Variants in RIC1 observed in about 807,000 individuals in gnomAD.
RIC1 encodes guanine nucleotide exchange factor subunit RIC1.
In RIC1, 88 loss-of-function variants were observed where a neutral mutation model predicts 169.0. The ratio of observed to expected loss-of-function variants is 0.52; its 90% confidence interval spans 0.44 to 0.62. RIC1 has a LOEUF of 0.62. Ranked by LOEUF, RIC1 falls within the 20% of genes least tolerant of loss-of-function variation. The pLI is 0.00. For missense variants in RIC1, 1,877 were observed against 1,725.5 expected, an observed-to-expected ratio of 1.09 and a Z score of -1.56; for synonymous variants, 790 against 601.5, an observed-to-expected ratio of 1.31 and a Z score of -4.59.
rs10975210 is a variant in RIC1 at position 5,652,277 on chromosome 9, T to G, written c.145-4306T>G. Reference sequence around the variant, plus strand: ...CATTGGTATTTTGGTAGGGATTACATTGGATCTGTAGATCACTTTGGGTCA... The same window carrying G: ...CATTGGTATTTTGGTAGGGATTACAGTGGATCTGTAGATCACTTTGGGTCA... On this transcript the variant is annotated intron_variant, in intron 1 of 25. Coordinates refer to ENST00000414202, the MANE Select transcript of RIC1 (RefSeq NM_020829.4). Among the ~76,000 whole-genome samples, 501 of 152,356 alleles carry G rather than the reference T, an allele frequency of 3.3e-3. 1 individual carries two copies. The highest frequency in any genetic ancestry group is 8.1e-3 in the South Asian group (39 of 4,824).
At chr9:5,651,201 C>G (rs1009414285) in intron 1 of RIC1, among the ~76,000 whole-genome samples, 4 of 152,196 alleles carry the variant, frequency 2.6e-5, no homozygotes, top group Admixed American at 2.0e-4. Context: ...TTCCCCCACA[C>G]TGGAGATCTG....
chr9:5,722,345 G>GAA (rs1414577478), intron 6 of RIC1, among the ~76,000 whole-genome samples: 4 of 80,970 alleles, frequency 4.9e-5, no homozygotes, highest in Admixed American at 1.5e-4. Flanking sequence ...ATAAGAGAGA[G>GAA]AGAGTGTGTG....
chr9:5,716,007 A>C (rs1823219144), intron 4 of RIC1, among the ~76,000 whole-genome samples: 1 of 151,840 alleles, frequency 6.6e-6, no homozygotes, highest in Non-Finnish European at 1.5e-5. Flanking sequence ...ACAGCACGCT[A>C]ATTTTTTGTA....
chr9:5,725,566 T>G (rs1823919381), intron 6 of RIC1, among the ~76,000 whole-genome samples: 1 of 152,364 alleles, frequency 6.6e-6, no homozygotes, highest in South Asian at 2.1e-4. Context: ...CCTTCAGTTC[T>G]GCTCTGATCT....
At chr9:5,755,370 A>G (rs1451928655) in intron 15 of RIC1, among the ~76,000 whole-genome samples, 2 of 152,212 alleles carry the variant, frequency 1.3e-5, no homozygotes, top group Non-Finnish European at 2.9e-5. Flanking sequence ...TTTCCTATAC[A>G]TACATACCTA....
intron 2 of RIC1, among the ~76,000 whole-genome samples, chr9:5,672,421 G>C (rs750041593): frequency 6.6e-6 from 1 of 152,144 alleles, no homozygotes; most frequent in Non-Finnish European, 1.5e-5. Flanking sequence ...GGATTTTTCA[G>C]AGCTAAAAAT....
intron 2 of RIC1, among the ~76,000 whole-genome samples, chr9:5,679,239 A>G (rs912765872): frequency 1.3e-5 from 2 of 152,090 alleles, no homozygotes; most frequent in African/African-American, 2.4e-5. Context: ...TTTGGTTACT[A>G]TAGCCTTATA....
At position 5,770,247 on chromosome 9, in the gene RIC1, A is replaced by T; in HGVS notation, c.3585A>T (p.Gln1195His). The change falls in exon 23 of 26, where the codon CAA becomes CAT. Residue 1195 changes from glutamine to histidine, a missense_variant. By Grantham distance (24) the Gln-to-His change is conservative. Transcript: ENST00000414202. ...DTASSHGPQM[Q>H]DAFLSPLSNK... The stretch of plus-strand genomic sequence containing the variant: ...CTTCATCCCATGGACCACAAATGCA[A>T]GATGCCTTCTTGTCACCTTTATCTA... 6.2e-7 allele frequency: 1 copy of T among 1,613,632 alleles called. No homozygotes were observed. Among genetic ancestry groups the T allele is most frequent in the Non-Finnish European group, 8.5e-7 (1 of 1,179,750 alleles).
rs1218737207 is a variant in RIC1, at chr9:5,752,444, GT to G, written c.1453-744del. On this transcript the variant is annotated intron_variant, in intron 12 of 25. Coordinates refer to ENST00000414202, the MANE Select transcript of RIC1 (RefSeq NM_020829.4). ...TGCATAATTTCATAAGTTTTTTTTT[GT>G]TTTTTTTTTTTGGAGACGGAGTTTC... Among the ~76,000 whole-genome samples the G allele has an allele frequency of 3.4e-4, 48 of 140,300 alleles. 1 individual carries two copies. Among genetic ancestry groups the G allele is most frequent in the South Asian group, 4.6e-4 (2 of 4,358 alleles). 92.0% of individuals were successfully genotyped at this position (140,300 alleles called of 152,430 possible). A position where few individuals can be genotyped will look rare whatever the true frequency, so the allele number is the denominator to read the frequency against.
chr9:5,713,393 C>A (rs1301934589), intron 3 of RIC1: 1 of 152,364 alleles, frequency 6.6e-6, no homozygotes, highest in Non-Finnish European at 1.5e-5. Flanking sequence ...TACTAAGTAA[C>A]TTGTGAAACA....
intron 12 of RIC1, 76 bp downstream of exon 12, chr9:5,747,581 CATCTGTT>C (rs1486574023): frequency 4.7e-6 from 6 of 1,289,046 alleles, no homozygotes; most frequent in Non-Finnish European, 6.7e-6. Context: ...TTAAATATTT[CATCTGTT>C]AACTTCAGGC....
chr9:5,756,139 C>A, intron 15 of RIC1, 73 bp from the exon 16 acceptor site: 3 of 927,670 alleles, frequency 3.2e-6, no homozygotes, highest in Non-Finnish European at 4.3e-6. Flanking sequence ...TTAAAAACAG[C>A]ATGTTTAAAG....
chr9:5,758,827 C>G (rs1586702406), intron 17 of RIC1, among the ~76,000 whole-genome samples: 1 of 150,408 alleles, frequency 6.6e-6, no homozygotes, highest in East Asian at 2.0e-4. Context: ...TCAGTGCAAC[C>G]TCTGCCTCCC....
intron 2 of RIC1, among the ~76,000 whole-genome samples, chr9:5,687,840 ACT>A (rs889708053): frequency 2.6e-5 from 4 of 151,582 alleles, no homozygotes; most frequent in Admixed American, 6.6e-5. Flanking sequence ...TCATGCGGAG[ACT>A]CTGTTTATAT....
chr9:5,723,651 G>A (rs991097665), intron 6 of RIC1, among the ~76,000 whole-genome samples: 28 of 152,208 alleles, frequency 1.8e-4, no homozygotes, highest in Non-Finnish European at 1.9e-4. Flanking sequence ...TGGCCTGAAT[G>A]GTATTGTCTA....
At chr9:5,675,519 C>T (rs1820387625) in intron 2 of RIC1, among the ~76,000 whole-genome samples, 1 of 152,160 alleles carries the variant, frequency 6.6e-6, no homozygotes, top group African/African-American at 2.4e-5. Context: ...TATTTTGTTA[C>T]TCTTTATGTA....
intron 2 of RIC1, among the ~76,000 whole-genome samples, chr9:5,669,948 A>G (rs1427858444): frequency 1.3e-5 from 2 of 152,292 alleles, no homozygotes; most frequent in East Asian, 3.9e-4. Context: ...GGTCTTGCTA[A>G]ACTGGATTTT....
chr9:5,643,723 A>G (rs765997467), intron 1 of RIC1, among the ~76,000 whole-genome samples: 1 of 152,228 alleles, frequency 6.6e-6, no homozygotes, highest in Non-Finnish European at 1.5e-5. Context: ...GTCATCTAAA[A>G]TGGTGATATA....
At chr9:5,730,883 C>G (rs1213088080) in intron 6 of RIC1, among the ~76,000 whole-genome samples, 1 of 152,248 alleles carries the variant, frequency 6.6e-6, no homozygotes, top group East Asian at 1.9e-4. Flanking sequence ...TCTCTTACCA[C>G]ATATACTACT....
Sources: allele counts gnomAD v4.1 joint callset (sites outside exome capture counted in the v4.1 genomes callset), GRCh38; gene constraint gnomAD v4.1.1; transcripts MANE v1.5; gene names NCBI Gene and HGNC (gene_info 2026-07-23, HGNC 2026-07-21).